ARHGAP29: variants seen among roughly 807,000 people sequenced by gnomAD.
ARHGAP29 encodes Rho GTPase activating protein 29.
In ARHGAP29, 43 loss-of-function variants were observed where a neutral mutation model predicts 122.6. That is an observed-to-expected ratio of 0.35 (90% confidence interval 0.27 to 0.45). The LOEUF (loss-of-function observed/expected upper bound fraction) is 0.45. Among genes scored for constraint, ARHGAP29 ranks in the 20% least tolerant of loss-of-function variants. ARHGAP29 has a pLI of 1.00. For missense variants in ARHGAP29, 1,303 were observed against 1,477.2 expected (o/e 0.88, Z 1.93); for synonymous variants, 506 against 497.1 (o/e 1.02, Z -0.24).
chr1:94,282,779 C>T, the ARHGAP29 span, among the ~76,000 whole-genome samples: 2 of 152,118 alleles, frequency 1.3e-5, no homozygotes, highest in African/African-American at 4.8e-5. Flanking sequence ...CTATGGACTG[C>T]TTCATACTGC....
At chr1:94,179,175 T>C (rs1170154641) in intron 20 of ARHGAP29, among the ~76,000 whole-genome samples, 2 of 152,228 alleles carry the variant, frequency 1.3e-5, no homozygotes, top group Admixed American at 6.5e-5. Context: ...AGGAGGCATC[T>C]GAGGGAACTA....
In ARHGAP29 at chr1:94,170,214, A is replaced by G. The variant is rs1372560143; in HGVS notation, c.*3655T>C. ...TATATACTATCTGAACCAAGTGACC[A>G]AAATTAATACTATCAGGTATAAGAC... is the stretch of plus-strand genomic sequence containing the variant. On this transcript the variant is annotated 3_prime_UTR_variant, in exon 23 of 23. Transcript: ENST00000260526. 6.6e-6 allele frequency among the ~76,000 whole-genome samples: 1 copy of G among 152,234 alleles called. No individual in the cohort carries two copies. Among genetic ancestry groups the G allele is most frequent in the Non-Finnish European group, 1.5e-5 (1 of 68,044 alleles).
chr1:94,281,315 A>G, the ARHGAP29 span, among the ~76,000 whole-genome samples: 3 of 152,300 alleles, frequency 2.0e-5, no homozygotes, highest in East Asian at 3.9e-4. Flanking sequence ...CTAAGATTAC[A>G]CTAAGTCTCT....
chr1:94,174,652 C>A lies in ARHGAP29; in HGVS notation c.3003G>T (p.Arg1001Ser), dbSNP rs1234147971. Residue 1001 changes from arginine to serine, a missense_variant, in exon 23 of 23, where the codon AGG (arginine) becomes AGT (serine). By Grantham distance (110) the Arg-to-Ser change is moderately radical. This residue lies in a region of ARHGAP29 where 620 missense variants were observed against 651.2 expected (regional missense o/e 0.95). Coordinates refer to ENST00000260526, the MANE Select transcript of ARHGAP29 (RefSeq NM_004815.4). ...TATGCCTCTCCACATTGTTTGTTGACCTATCAGATTTCAGAGAAAGTGGCT... is the reference window on the plus strand; with the variant it reads ...TATGCCTCTCCACATTGTTTGTTGAACTATCAGATTTCAGAGAAAGTGGCT... ...TPKPLSLKSD[R>S]STNNVERHTP... The A allele has an allele frequency of 6.2e-7, 1 of 1,613,932 alleles. No individual in the cohort carries two copies. The highest frequency in any genetic ancestry group is 1.3e-5 in the African/African-American group (1 of 74,896).
the ARHGAP29 span, among the ~76,000 whole-genome samples, chr1:94,293,572 T>C: frequency 6.6e-6 from 1 of 152,194 alleles, no homozygotes; most frequent in Admixed American, 6.5e-5. Flanking sequence ...TCAATCTCAC[T>C]GGGAGCTGTA....
At chr1:94,231,052 A>C (rs1652893101) in intron 2 of ARHGAP29, among the ~76,000 whole-genome samples, 1 of 152,012 alleles carries the variant, frequency 6.6e-6, no homozygotes, top group Non-Finnish European at 1.5e-5. Flanking sequence ...GTAAATTATA[A>C]ACATTAGTCA....
chr1:94,304,260 C>G, the ARHGAP29 span, among the ~76,000 whole-genome samples: 1 of 152,222 alleles, frequency 6.6e-6, no homozygotes, highest in African/African-American at 2.4e-5. Context: ...TGGCCTCAGC[C>G]TCCTGAGTAT....
the ARHGAP29 span, among the ~76,000 whole-genome samples, chr1:94,310,549 T>A: frequency 6.6e-6 from 1 of 152,198 alleles, no homozygotes; most frequent in African/African-American, 2.4e-5. Context: ...TCATAGTAAT[T>A]TTCAAATATG....
upstream of ARHGAP29, among the ~76,000 whole-genome samples, chr1:94,241,326 T>G (rs936687899): frequency 9.2e-5 from 14 of 152,068 alleles, no homozygotes; most frequent in African/African-American, 3.4e-4. Flanking sequence ...AAAAGATATA[T>G]CAAATGCAGC....
At position 94,173,889 on chromosome 1, in the gene ARHGAP29, C is replaced by T. The variant is rs1460959315; in HGVS notation, c.3766G>A (p.Glu1256Lys). Residue 1256 changes from glutamate to lysine, a missense_variant, in exon 23 of 23, where the codon GAA (glutamate) becomes AAA (lysine). By Grantham distance (56) the Glu-to-Lys change is moderately conservative (BLOSUM62 1). Coordinates refer to ENST00000260526, the MANE Select transcript of ARHGAP29 (RefSeq NM_004815.4). ...CATCCCTACACAAATTGTGGAATTT[C>T]ACCTTCGAGGTCTTCAAACTGTTGC... ...RMQQFEDLEG[E>K]IPQFV is the part of the protein sequence containing the mutation. The T allele has an allele frequency of 3.1e-6, 5 of 1,601,374 alleles. No homozygotes were observed. The highest frequency in any genetic ancestry group is 4.3e-6 in the Non-Finnish European group (5 of 1,171,138).
chr1:94,174,088 T>C lies in ARHGAP29; in HGVS notation c.3567A>G (p.Ala1189=), dbSNP rs1249520075. ...NEEKPASPSA[A]VPPGTDHDPH... is the part of the protein sequence containing the mutation. ...GATCGTGATCTGTGCCAGGAGGCACTGCTGCTGAGGGTGAAGCTGGCTTCT... is the reference window on the plus strand; with the variant it reads ...GATCGTGATCTGTGCCAGGAGGCACCGCTGCTGAGGGTGAAGCTGGCTTCT... The change falls in exon 23 of 23, where the codon GCA becomes GCG. Residue 1189 remains alanine, a synonymous_variant. Coordinates refer to ENST00000260526, the MANE Select transcript of ARHGAP29 (RefSeq NM_004815.4). 6.2e-7 allele frequency: 1 copy of C among 1,614,222 alleles called. No individual in the cohort carries two copies. The highest frequency in any genetic ancestry group is 2.2e-5 in the East Asian group (1 of 44,888).
Position 94,174,323 on chromosome 1 carries a change from A to G in ARHGAP29, c.3332T>C (p.Leu1111Pro). The change falls in exon 23 of 23, where the codon CTC (leucine) becomes CCC (proline). Residue 1111 changes from leucine to proline, a missense_variant. Around this residue, in one of 3 missense-constraint regions of ARHGAP29, gnomAD observed 620 missense variants for 651.2 expected, o/e 0.95. Transcript: ENST00000260526. ...ALQEKGVTTS[L>P]QISGDHSINA... ...GATAGAATGGTCCCCACTAATCTGG[A>G]GGCTTGTTGTCACTCCTTTTTCCTG... The G allele has an allele frequency of 6.2e-7, 1 of 1,614,110 alleles. No homozygotes were observed. Among genetic ancestry groups the G allele is most frequent in the Non-Finnish European group, 8.5e-7 (1 of 1,180,042 alleles).
the ARHGAP29 span, among the ~76,000 whole-genome samples, chr1:94,290,111 C>G: frequency 6.6e-6 from 1 of 152,100 alleles, no homozygotes. Flanking sequence ...GCTGTGAATC[C>G]GTCTGGTCCT....
chr1:94,194,328 T>C lies in ARHGAP29; in HGVS notation c.1282-4245A>G, dbSNP rs866772498. 12 of 147,292 alleles carry C rather than the reference T, an allele frequency of 8.1e-5. No individual in the cohort carries two copies. The South Asian group carries it at 2.7e-3, about 33-fold the overall frequency. 9.1% of individuals were successfully genotyped at this position (147,292 alleles called of 1,614,324 possible). ...TATTTCTGTTCCATGAAAGAGATAA[T>C]TTTTTTTTTACCAGAATGCTTATTT... On this transcript the variant is annotated intron_variant, in intron 12 of 22. Coordinates refer to ENST00000260526, the MANE Select transcript of ARHGAP29 (RefSeq NM_004815.4).
At chr1:94,281,782 G>A in the ARHGAP29 span, among the ~76,000 whole-genome samples, 2 of 152,138 alleles carry the variant, frequency 1.3e-5, no homozygotes, top group Admixed American at 6.6e-5. Context: ...CAGCCAGGGT[G>A]GGTGAAATTC....
At chr1:94,252,507 T>C (rs1158250960) in intron 1 of ARHGAP29, among the ~76,000 whole-genome samples, 1 of 151,924 alleles carries the variant, frequency 6.6e-6, no homozygotes, top group Non-Finnish European at 1.5e-5. Flanking sequence ...GTCCAGGGAG[T>C]CCTCAGGCAA....
In ARHGAP29 at chr1:94,171,261, A is replaced by G. The variant is rs1648721639; in HGVS notation, c.*2608T>C. On this transcript the variant is annotated 3_prime_UTR_variant, in exon 23 of 23. Coordinates refer to ENST00000260526, the MANE Select transcript of ARHGAP29 (RefSeq NM_004815.4). ...AGGCAACAAGTCTCAGGGATCATATAGTCTTTGTCTCTGTATCAAAACAAA... is the reference window on the plus strand; with the variant it reads ...AGGCAACAAGTCTCAGGGATCATATGGTCTTTGTCTCTGTATCAAAACAAA... 6.6e-6 allele frequency among the ~76,000 whole-genome samples: 1 copy of G among 152,208 alleles called. No homozygotes were observed. The highest frequency in any genetic ancestry group is 2.1e-4 in the South Asian group (1 of 4,834).
intron 19 of ARHGAP29, among the ~76,000 whole-genome samples, chr1:94,180,819 T>C (rs1649408756): frequency 6.6e-6 from 1 of 152,162 alleles, no homozygotes; most frequent in South Asian, 2.1e-4. Context: ...CTCGGTCACA[T>C]AATATTCCTG....
intron 12 of ARHGAP29, among the ~76,000 whole-genome samples, chr1:94,198,026 T>G (rs1207247449): frequency 6.6e-6 from 1 of 152,042 alleles, no homozygotes; most frequent in Non-Finnish European, 1.5e-5. Context: ...GAATACAGAT[T>G]GGAAAGGAAG....
Sources: allele counts gnomAD v4.1 joint callset (sites outside exome capture counted in the v4.1 genomes callset), GRCh38; gene constraint gnomAD v4.1.1; regional missense constraint gnomAD v4.1.1; transcripts MANE v1.5; gene names NCBI Gene and HGNC (gene_info 2026-07-23, HGNC 2026-07-21).